GABRG3: variants seen among roughly 807,000 people sequenced by gnomAD.
The protein encoded by GABRG3 is gamma-aminobutyric acid receptor subunit gamma-3.
In GABRG3, 25 loss-of-function variants were observed where a neutral mutation model predicts 48.8. That is an observed-to-expected ratio of 0.51 (90% CI 0.37 to 0.72). The LOEUF is 0.72. Ranked by LOEUF, GABRG3 falls within the 30% of genes least tolerant of loss-of-function variation. GABRG3 has a pLI of 0.00. For synonymous variants in GABRG3, 227 were observed against 217.6 expected (o/e 1.04, Z -0.38); for missense variants, 394 against 577.9 (o/e 0.68, Z 3.26).
intron 3 of GABRG3, among the ~76,000 whole-genome samples, chr15:27,201,850 A>G (rs1888695315): frequency 6.6e-6 from 1 of 152,252 alleles, no homozygotes; most frequent in Non-Finnish European, 1.5e-5. Context: ...TACAGAATAT[A>G]CTAAACTAAA....
rs1894936574 is a variant in GABRG3, at chr15:26,976,071, T to G, written c.54-931T>G. Among the ~76,000 whole-genome samples, 1 of 151,808 alleles carries G rather than the reference T, an allele frequency of 6.6e-6. No individual in the cohort carries two copies. Among genetic ancestry groups the G allele is most frequent in the African/African-American group, 2.4e-5 (1 of 41,262 alleles). On this transcript the variant is annotated intron_variant, in intron 1 of 9. Transcript: ENST00000615808. The surrounding 1 kb of genome is among the most constrained non-coding windows in gnomAD (Gnocchi z 7.8). ...AAAACCAGCTTGTCAAGTACAAGTGTGTGCCAATTATAAACCAAACATTTT... is the reference window on the plus strand; with the variant it reads ...AAAACCAGCTTGTCAAGTACAAGTGGGTGCCAATTATAAACCAAACATTTT...
chr15:27,422,597 ATC>A (rs1220768113), intron 5 of GABRG3, among the ~76,000 whole-genome samples: 2 of 152,208 alleles, frequency 1.3e-5, no homozygotes, highest in Non-Finnish European at 2.9e-5. Flanking sequence ...GGAGTGGGTT[ATC>A]TCTCTGTCAA....
At chr15:27,191,345 C>A (rs374027448) in intron 3 of GABRG3, among the ~76,000 whole-genome samples, 3 of 152,026 alleles carry the variant, frequency 2.0e-5, no homozygotes, top group South Asian at 2.1e-4. Context: ...CCCATTATTA[C>A]TGCGTGGGAG....
At chr15:27,287,585 T>C (rs2140483931) in intron 3 of GABRG3, among the ~76,000 whole-genome samples, 1 of 152,260 alleles carries the variant, frequency 6.6e-6, no homozygotes, top group Middle Eastern at 3.4e-3. Context: ...AATATTTCAT[T>C]GTGAATGAGT....
At chr15:27,162,202 G>A (rs1442045438) in intron 3 of GABRG3, among the ~76,000 whole-genome samples, 2 of 152,116 alleles carry the variant, frequency 1.3e-5, no homozygotes, top group Non-Finnish European at 2.9e-5. Flanking sequence ...AATTTCCTGG[G>A]AGAGAGCCCA....
intron 5 of GABRG3, among the ~76,000 whole-genome samples, chr15:27,369,901 T>C (rs1895349560): frequency 6.6e-6 from 1 of 152,010 alleles, no homozygotes; most frequent in Non-Finnish European, 1.5e-5. Flanking sequence ...CCGTCCTCTT[T>C]TCTCACCTTG....
chr15:27,209,269 C>T (rs771412061), intron 3 of GABRG3, among the ~76,000 whole-genome samples: 4 of 152,228 alleles, frequency 2.6e-5, no homozygotes, highest in East Asian at 1.9e-4. Flanking sequence ...CTGAGCAGCA[C>T]GCAGATGATG....
chr15:27,133,295 A>ATTT (rs887282804), intron 3 of GABRG3, among the ~76,000 whole-genome samples: 2 of 152,168 alleles, frequency 1.3e-5, no homozygotes, highest in Admixed American at 6.5e-5. Flanking sequence ...TAATAGATTC[A>ATTT]TTTTTTAAAC....
chr15:27,521,165 A>T (rs1370842195), intron 7 of GABRG3, among the ~76,000 whole-genome samples: 1 of 152,174 alleles, frequency 6.6e-6, no homozygotes, highest in Non-Finnish European at 1.5e-5. Flanking sequence ...GAGACTATGA[A>T]AATCCTACAG....
At chr15:27,303,918 A>G (rs923935599) in intron 3 of GABRG3, among the ~76,000 whole-genome samples, 2 of 151,914 alleles carry the variant, frequency 1.3e-5, no homozygotes, top group African/African-American at 4.8e-5. Flanking sequence ...AACTAGGAAT[A>G]CAAGACTAGT....
At chr15:27,532,504 A>G (rs1566882705) in intron 9 of GABRG3, 96 bp from the exon 10 acceptor site, 1 of 1,170,250 alleles carries the variant, frequency 8.5e-7, no homozygotes, top group Non-Finnish European at 1.2e-6. Context: ...CTTTATCTAT[A>G]GGAGACAGAT....
intron 3 of GABRG3, among the ~76,000 whole-genome samples, chr15:27,028,034 TAG>T (rs1896014761): frequency 1.3e-5 from 2 of 152,210 alleles, no homozygotes; most frequent in African/African-American, 4.8e-5. Context: ...CATTTGCATA[TAG>T]AGGGATTTTC....
At chr15:27,242,120 C>T (rs1890144977) in intron 3 of GABRG3, among the ~76,000 whole-genome samples, 1 of 152,200 alleles carries the variant, frequency 6.6e-6, no homozygotes, top group African/African-American at 2.4e-5. Context: ...CCAACTGCTG[C>T]ACCAGCATTT....
chr15:27,273,105 A>G (rs1007225200), intron 3 of GABRG3, among the ~76,000 whole-genome samples: 1 of 148,550 alleles, frequency 6.7e-6, no homozygotes, highest in African/African-American at 2.6e-5. Flanking sequence ...CTACAATGAT[A>G]AAAAAAAATA....
At chr15:27,307,728 A>T (rs992649913) in intron 3 of GABRG3, among the ~76,000 whole-genome samples, 11 of 125,676 alleles carry the variant, frequency 8.8e-5, no homozygotes, top group East Asian at 7.9e-4. Flanking sequence ...TTTATATATA[A>T]ATATATAATC....
intron 3 of GABRG3, among the ~76,000 whole-genome samples, chr15:27,155,969 T>A (rs1329522682): frequency 6.6e-6 from 1 of 152,084 alleles, no homozygotes; most frequent in Non-Finnish European, 1.5e-5. Context: ...ATTTTATCTA[T>A]TCTGTTTGGC....
chr15:27,481,098 G>A, intron 6 of GABRG3: 2 of 1,137,680 alleles, frequency 1.8e-6, no homozygotes, highest in Non-Finnish European at 2.2e-6. Flanking sequence ...GGAGAGTTCT[G>A]CAAATTTCCA....
chr15:27,201,221 C>G (rs1396001098), intron 3 of GABRG3, among the ~76,000 whole-genome samples: 2 of 151,816 alleles, frequency 1.3e-5, no homozygotes, highest in African/African-American at 4.8e-5. Flanking sequence ...CAGGACACAG[C>G]TTCCCGCCCC....
intron 5 of GABRG3, among the ~76,000 whole-genome samples, chr15:27,390,605 C>T (rs1896191222): frequency 3.9e-5 from 6 of 152,316 alleles, no homozygotes; most frequent in Admixed American, 3.9e-4. Flanking sequence ...GCCCTCTTGA[C>T]TCTCAGCACG....
Sources: gnomAD v4.1 joint callset for allele counts (sites outside exome capture counted in the v4.1 genomes callset) on GRCh38, gnomAD v4.1.1 for gene constraint, Gnocchi (gnomAD v3.1) non-coding constraint, MANE v1.5 for transcripts, NCBI Gene and HGNC (gene_info 2026-07-23, HGNC 2026-07-21) for gene names.